The following NKAIN2 variants were observed in gnomAD, a reference collection of about 807,000 sequenced individuals.
The protein encoded by NKAIN2 is sodium/potassium-transporting ATPase subunit beta-1-interacting protein 2.
Under a neutral mutation model 32.6 loss-of-function variants are expected in NKAIN2, and 14 were observed. The observed-to-expected ratio is 0.43, with a 90% CI of 0.28 to 0.67. The LOEUF (loss-of-function observed/expected upper bound fraction) is 0.67. Ranked by LOEUF, NKAIN2 falls within the 30% of genes least tolerant of loss-of-function variation. The pLI is 0.17. For synonymous variants in NKAIN2, 80 were observed against 87.2 expected (o/e 0.92, Z 0.46); for missense variants, 198 against 258.3 (o/e 0.77, Z 1.60).
intron 1 of NKAIN2, among the ~76,000 whole-genome samples, chr6:124,258,514 T>A (rs1794062008): frequency 6.6e-6 from 1 of 152,138 alleles, no homozygotes; most frequent in Admixed American, 6.6e-5. Context: ...AACGATAACT[T>A]GAAACTATGT....
Position 123,955,590 on chromosome 6 carries a change from TTTTTATTTTA to T in NKAIN2, c.54+151376_54+151385del, listed in dbSNP as rs61369548. 5.3e-3 allele frequency among the ~76,000 whole-genome samples: 718 copies of T among 136,700 alleles called. 7 individuals carry two copies. The highest frequency in any genetic ancestry group is 6.1e-3 in the Non-Finnish European group (390 of 64,094). 89.7% of individuals were successfully genotyped at this position (136,700 alleles called of 152,430 possible). On this transcript the variant is annotated intron_variant, in intron 1 of 6. Transcript: ENST00000368417. ...TTACTGTGGGGCTACATTTAAACATTTTTTATTTTATTTTATTTTATTTTATTTTATTTTA... is the reference window on the plus strand; with the variant it reads ...TTACTGTGGGGCTACATTTAAACATTTTTTATTTTATTTTATTTTATTTTA...
chr6:124,135,408 A>G (rs1786713218), intron 1 of NKAIN2, among the ~76,000 whole-genome samples: 1 of 151,972 alleles, frequency 6.6e-6, no homozygotes, highest in African/African-American at 2.4e-5. Flanking sequence ...ACTCACATAA[A>G]CTTAAGGTAA....
intron 3 of NKAIN2, among the ~76,000 whole-genome samples, chr6:124,472,946 T>C (rs1303513573): frequency 6.6e-6 from 1 of 152,098 alleles, no homozygotes; most frequent in Admixed American, 6.6e-5. Context: ...TTGGGAGAGT[T>C]TGGCTTAGAA....
intron 2 of NKAIN2, among the ~76,000 whole-genome samples, chr6:124,336,928 C>A (rs1425253527): frequency 6.6e-6 from 1 of 152,060 alleles, no homozygotes; most frequent in Non-Finnish European, 1.5e-5. Flanking sequence ...GCCTCGGCCT[C>A]CCAAAGTGCT....
At chr6:124,067,843 T>C (rs1364414291) in intron 1 of NKAIN2, among the ~76,000 whole-genome samples, 2 of 152,164 alleles carry the variant, frequency 1.3e-5, no homozygotes, top group Admixed American at 6.5e-5. Context: ...TTAGCAAATA[T>C]GTATTGGGCA....
intron 1 of NKAIN2, among the ~76,000 whole-genome samples, chr6:123,927,817 C>T (rs1776071732): frequency 6.6e-6 from 1 of 152,066 alleles, no homozygotes; most frequent in Non-Finnish European, 1.5e-5. Flanking sequence ...GAGGAGGGTC[C>T]AACTATTCAT....
intron 3 of NKAIN2, among the ~76,000 whole-genome samples, chr6:124,461,164 A>G (rs1776515621): frequency 1.3e-5 from 2 of 151,822 alleles, no homozygotes; most frequent in African/African-American, 4.8e-5. Flanking sequence ...CTTCTCAGGA[A>G]TAGCAAAACT....
intron 4 of NKAIN2, among the ~76,000 whole-genome samples, chr6:124,700,637 T>G (rs1357552935): frequency 1.3e-5 from 2 of 152,084 alleles, no homozygotes; most frequent in African/African-American, 4.8e-5. Flanking sequence ...CCAAAACAGT[T>G]ACTAGCCAGC....
intron 2 of NKAIN2, among the ~76,000 whole-genome samples, chr6:124,328,998 A>G (rs1461576577): frequency 6.6e-6 from 1 of 152,186 alleles, no homozygotes; most frequent in Admixed American, 6.5e-5. Flanking sequence ...TTTCTTTTCC[A>G]AGGTGAATAT....
At chr6:124,687,257 A>G (rs1014604634) in intron 4 of NKAIN2, among the ~76,000 whole-genome samples, 8 of 142,610 alleles carry the variant, frequency 5.6e-5, no homozygotes, top group African/African-American at 2.1e-4. Flanking sequence ...TATTACCTAT[A>G]TATATTCTCT....
intron 5 of NKAIN2, among the ~76,000 whole-genome samples, chr6:124,812,248 G>A (rs1780934471): frequency 6.6e-6 from 1 of 152,104 alleles, no homozygotes; most frequent in South Asian, 2.1e-4. Flanking sequence ...TCTATAAAAA[G>A]TCTTCTCTTT....
chr6:124,531,512 T>G (rs1779524674), intron 3 of NKAIN2, among the ~76,000 whole-genome samples: 1 of 152,228 alleles, frequency 6.6e-6, no homozygotes, highest in South Asian at 2.1e-4. Context: ...TTTTCCTTTT[T>G]TGTAGTGTTC....
chr6:124,711,819 C>T lies in NKAIN2; in HGVS notation c.474+53433C>T, dbSNP rs372800681. ...TGTCTGAAGCCTTCTTCTCTCAGCT[C>T]GTCAAAGTCATTCTCCATCAAGCTT... On this transcript the variant is annotated intron_variant, in intron 4 of 6. Transcript: ENST00000368417. Among the ~76,000 whole-genome samples, 50 of 152,270 alleles carry T rather than the reference C, an allele frequency of 3.3e-4. No homozygotes were observed. The South Asian group carries it at 5.2e-3, about 16-fold the overall frequency.
rs145582914 is a variant in NKAIN2 at position 124,261,864 on chromosome 6, C to CAA, written c.55-21140_55-21139insAA. On this transcript the variant is annotated intron_variant, in intron 1 of 6. Transcript: ENST00000368417. ...GGTGAAAGAGCATGATTCCATCTCA[C>CAA]ACAAAAAAAAAAAAAAAATTTTGAA... 2.2e-3 allele frequency among the ~76,000 whole-genome samples: 293 copies of CAA among 133,994 alleles called. 1 individual carries two copies. Among genetic ancestry groups the CAA allele is most frequent in the South Asian group, 0.011 (49 of 4,426 alleles). The allele number at this position is 133,994 out of a possible 152,430, so 87.9% of individuals were successfully genotyped here.
At chr6:124,635,029 G>A (rs1217733617) in intron 3 of NKAIN2, among the ~76,000 whole-genome samples, 1 of 149,692 alleles carries the variant, frequency 6.7e-6, no homozygotes, top group South Asian at 2.1e-4. Context: ...GGTAAGGAAA[G>A]GAAGAAGAGG....
At chr6:124,348,104 A>C (rs1270926299) in intron 2 of NKAIN2, among the ~76,000 whole-genome samples, 2 of 152,202 alleles carry the variant, frequency 1.3e-5, no homozygotes, top group African/African-American at 2.4e-5. Flanking sequence ...GGTCCACTCC[A>C]GACCCTGTTT....
chr6:124,564,715 AG>A (rs1354492569), intron 3 of NKAIN2, among the ~76,000 whole-genome samples: 1 of 152,210 alleles, frequency 6.6e-6, no homozygotes, highest in African/African-American at 2.4e-5. Context: ...AACAGGCTGC[AG>A]GGCAGGAGGC....
chr6:123,963,232 G>T (rs1209081748), intron 1 of NKAIN2, among the ~76,000 whole-genome samples: 4 of 151,288 alleles, frequency 2.6e-5, no homozygotes, highest in African/African-American at 9.7e-5. Context: ...TTGTTTTCTA[G>T]GCAATTTTTA....
intron 1 of NKAIN2, among the ~76,000 whole-genome samples, chr6:124,093,602 A>G (rs989398031): frequency 6.6e-6 from 1 of 152,168 alleles, no homozygotes; most frequent in Non-Finnish European, 1.5e-5. Flanking sequence ...ACTAAGATTT[A>G]GAAATATGTA....
Sources: gnomAD v4.1 joint callset for allele counts (sites outside exome capture counted in the v4.1 genomes callset) on GRCh38, gnomAD v4.1.1 for gene constraint, MANE v1.5 for transcripts, NCBI Gene and HGNC (gene_info 2026-07-23, HGNC 2026-07-21) for gene names.